DNAJC6: variants seen among roughly 807,000 people sequenced by gnomAD.
The protein encoded by DNAJC6 is DnaJ heat shock protein family (Hsp40) member C6, also known as auxilin.
Under a neutral mutation model 110.0 loss-of-function variants are expected in DNAJC6, and 34 were observed. That is an observed-to-expected ratio of 0.31 (90% CI 0.24 to 0.41). DNAJC6 has a LOEUF of 0.41. Among genes scored for constraint, DNAJC6 ranks in the 10% least tolerant of loss-of-function variants. The probability of loss-of-function intolerance (pLI) is 1.00; values close to 1 mark genes in which losing one functional copy is unlikely to be tolerated. For synonymous variants in DNAJC6, 406 were observed against 437.2 expected (o/e 0.93, Z 0.89); for missense variants, 1,031 against 1,207.8 (o/e 0.85, Z 2.17).
intron 2 of DNAJC6, 64 bp from the exon 3 acceptor site, chr1:65,365,819 TGA>T (rs1422597519): frequency 6.4e-7 from 1 of 1,563,302 alleles, no homozygotes; most frequent in South Asian, 1.2e-5. Context: ...CGCAAGTGAT[TGA>T]GAGAGAGAAA....
chr1:65,394,689 C>T (rs188963988), intron 12 of DNAJC6, among the ~76,000 whole-genome samples: 1 of 152,302 alleles, frequency 6.6e-6, no homozygotes, highest in East Asian at 1.9e-4. Flanking sequence ...GCATAATGCT[C>T]TCCTAACAAC....
At chr1:65,272,959 A>G (rs1181297549) in intron 1 of DNAJC6, among the ~76,000 whole-genome samples, 1 of 152,096 alleles carries the variant, frequency 6.6e-6, no homozygotes, top group African/African-American at 2.4e-5. Flanking sequence ...TTTTCTTTAT[A>G]TTCTCTTATG....
intron 17 of DNAJC6, among the ~76,000 whole-genome samples, chr1:65,410,289 A>G (rs1646116164): frequency 6.6e-6 from 1 of 152,274 alleles, no homozygotes; most frequent in Middle Eastern, 3.4e-3. Context: ...GATGTATATA[A>G]TATACATCTA....
Position 65,394,882 on chromosome 1 carries a change from TC to T in DNAJC6, c.1904-13del. 6.4e-7 allele frequency: 1 copy of T among 1,570,984 alleles called. No homozygotes were observed. Among genetic ancestry groups the T allele is most frequent in the Non-Finnish European group, 8.6e-7 (1 of 1,163,428 alleles). The stretch of plus-strand genomic sequence containing the variant: ...ACTCATGGGACAAATAAATATATTT[TC>T]CCATTGTTTTCTAGGTGCCACCTTT... On this transcript the variant is annotated splice_polypyrimidine_tract_variant and intron_variant, in intron 12 of 18. Coordinates refer to ENST00000371069, the MANE Select transcript of DNAJC6 (RefSeq NM_001256864.2).
intron 13 of DNAJC6, among the ~76,000 whole-genome samples, chr1:65,396,395 G>T (rs919250200): frequency 2.0e-5 from 3 of 152,052 alleles, no homozygotes; most frequent in Non-Finnish European, 4.4e-5. Flanking sequence ...GGCCTGTGTA[G>T]CCTCTGTATG....
chr1:65,322,386 T>C (rs1645205131), intron 1 of DNAJC6, among the ~76,000 whole-genome samples: 1 of 152,202 alleles, frequency 6.6e-6, no homozygotes, highest in African/African-American at 2.4e-5. Context: ...TCCAATCATA[T>C]ATATAATGTA....
chr1:65,413,034 C>A lies in DNAJC6; in HGVS notation c.*9C>A. On this transcript the variant is annotated 3_prime_UTR_variant, in exon 19 of 19. Coordinates refer to ENST00000371069, the MANE Select transcript of DNAJC6 (RefSeq NM_001256864.2). ...AAAAGCCCTTATATTAATTTATGAG[C>A]TTTTCCATCTCTGCTGCAGACCTGT... 6.2e-7 allele frequency: 1 copy of A among 1,611,442 alleles called. No individual in the cohort carries two copies. Among genetic ancestry groups the A allele is most frequent in the Non-Finnish European group, 8.5e-7 (1 of 1,177,902 alleles).
chr1:65,389,588 T>C lies in DNAJC6; in HGVS notation c.1429T>C (p.Tyr477His). Reference protein sequence around the residue: ...IDIPPDNPRHYGQSGFFASLC... With the variant: ...IDIPPDNPRHHGQSGFFASLC... ...TATCCCTCCAGACAACCCCAGGCAT[T>C]ACGGACAAAGTGGTTTCTTTGCCTC... The change falls in exon 11 of 19, where the codon TAC becomes CAC. Residue 477 changes from tyrosine to histidine, a missense_variant. Transcript: ENST00000371069. 1.2e-6 allele frequency: 2 copies of C among 1,614,194 alleles called. No individual in the cohort carries two copies. Among genetic ancestry groups the C allele is most frequent in the Non-Finnish European group, 1.7e-6 (2 of 1,180,020 alleles).
chr1:65,406,273 A>G, intron 16 of DNAJC6, 140 bp downstream of exon 16: 1 of 1,247,102 alleles, frequency 8.0e-7, no homozygotes, highest in Non-Finnish European at 1.1e-6. Flanking sequence ...ATAGTTGTAG[A>G]GATAAAACAT....
At position 65,405,964 on chromosome 1, in the gene DNAJC6, T is replaced by C. The variant is rs373611651; in HGVS notation, c.2322T>C (p.Pro774=). The change falls in exon 16 of 19, where the codon CCT becomes CCC. Residue 774 remains proline, a synonymous_variant. Coordinates refer to ENST00000371069, the MANE Select transcript of DNAJC6 (RefSeq NM_001256864.2). ...CGCCACAGAAGGCGTCTCCCCAGCC[T>C]ATGGGTGGCGGGTGGCAGCAGGGAG... ...LSSPQKASPQ[P]MGGGWQQGGA... 4 of 1,614,190 alleles carry C rather than the reference T, an allele frequency of 2.5e-6. No homozygotes were observed. Among genetic ancestry groups the C allele is most frequent in the East Asian group, 4.5e-5 (2 of 44,872 alleles).
Position 65,410,337 on chromosome 1 carries a change from T to G in DNAJC6, c.2635-913T>G, listed in dbSNP as rs140208505. On this transcript the variant is annotated intron_variant, in intron 17 of 18. Coordinates refer to ENST00000371069, the MANE Select transcript of DNAJC6 (RefSeq NM_001256864.2). ...TTCTTTGATACATTTTTTAGTACAATGTAGGGTCTTTCATTTGCATGTTTT... is the reference window on the plus strand; with the variant it reads ...TTCTTTGATACATTTTTTAGTACAAGGTAGGGTCTTTCATTTGCATGTTTT... Among the ~76,000 whole-genome samples the G allele has an allele frequency of 2.3e-4, 35 of 152,304 alleles. No individual in the cohort carries two copies. The East Asian group carries it at 3.5e-3, about 15-fold the overall frequency.
At chr1:65,267,681 CAG>C (rs554295468) in intron 1 of DNAJC6, among the ~76,000 whole-genome samples, 2 of 151,092 alleles carry the variant, frequency 1.3e-5, no homozygotes, top group African/African-American at 2.4e-5. Flanking sequence ...TATATACAGA[CAG>C]AGAGAGAGAG....
intron 1 of DNAJC6, among the ~76,000 whole-genome samples, chr1:65,299,280 A>G (rs1644955494): frequency 6.6e-6 from 1 of 152,218 alleles, no homozygotes; most frequent in East Asian, 1.9e-4. Flanking sequence ...GTGTCATAAC[A>G]CTGACATTTT....
intron 15 of DNAJC6, among the ~76,000 whole-genome samples, 164 bp from the exon 16 acceptor site, chr1:65,405,706 G>A (rs765963813): frequency 5.3e-5 from 8 of 152,180 alleles, no homozygotes; most frequent in Non-Finnish European, 1.2e-4. Flanking sequence ...GGGGATGAAG[G>A]AAATAATATG....
At position 65,328,303 on chromosome 1, in the gene DNAJC6, C is replaced by G. The variant is rs183081592; in HGVS notation, c.193+18365C>G. 4.6e-5 allele frequency among the ~76,000 whole-genome samples: 7 copies of G among 152,256 alleles called. No individual in the cohort carries two copies. In the East Asian group the frequency reaches 1.3e-3, roughly 29 times the overall value. On this transcript the variant is annotated intron_variant, in intron 1 of 18. Transcript: ENST00000371069. ...ATTTCATAACTACAGTTTTATGTAACTATGTTCTTTATCTGCATCTACTTT... is the reference window on the plus strand; with the variant it reads ...ATTTCATAACTACAGTTTTATGTAAGTATGTTCTTTATCTGCATCTACTTT...
At chr1:65,264,959 CT>C in intron 1 of DNAJC6, 2 of 1,607,738 alleles carry the variant, frequency 1.2e-6, no homozygotes, top group Non-Finnish European at 1.7e-6. Context: ...AGAAAGATGG[CT>C]AAGAGAGGGC....
At chr1:65,293,544 A>C (rs1644900436) in intron 1 of DNAJC6, among the ~76,000 whole-genome samples, 1 of 152,214 alleles carries the variant, frequency 6.6e-6, no homozygotes, top group African/African-American at 2.4e-5. Context: ...AGGCCAGCCC[A>C]GATTCAAGGA....
chr1:65,265,217 T>C (rs1406476569), intron 1 of DNAJC6, among the ~76,000 whole-genome samples: 2 of 152,202 alleles, frequency 1.3e-5, no homozygotes, highest in Non-Finnish European at 2.9e-5. Flanking sequence ...TTTCATAGAT[T>C]TCCTTAGACT....
chr1:65,350,142 C>A (rs1299670677), intron 1 of DNAJC6, among the ~76,000 whole-genome samples: 1 of 152,124 alleles, frequency 6.6e-6, no homozygotes, highest in East Asian at 1.9e-4. Context: ...CTTCCTGCGT[C>A]CCTTCTTAGA....
Sources: gnomAD v4.1 joint callset for allele counts (sites outside exome capture counted in the v4.1 genomes callset) on GRCh38, gnomAD v4.1.1 for gene constraint, MANE v1.5 for transcripts, NCBI Gene and HGNC (gene_info 2026-07-23, HGNC 2026-07-21) for gene names.